Variants in NNT observed in about 807,000 individuals in gnomAD.
NNT encodes nicotinamide nucleotide transhydrogenase, also known as NAD(P) transhydrogenase, mitochondrial.
In NNT, 50 loss-of-function variants were observed where a neutral mutation model predicts 104.8. The observed-to-expected ratio is 0.48, with a 90% CI of 0.38 to 0.60. The LOEUF is 0.60. NNT is among the 20% of genes least tolerant of loss of function. The pLI is 0.00. For synonymous variants in NNT, 461 were observed against 490.4 expected (o/e 0.94, Z 0.79); for missense variants, 1,131 against 1,330.7 (o/e 0.85, Z 2.33).
intron 5 of NNT, among the ~76,000 whole-genome samples, chr5:43,621,585 G>T (rs909863412): frequency 6.6e-6 from 1 of 151,596 alleles, no homozygotes; most frequent in Non-Finnish European, 1.5e-5. Flanking sequence ...TTGGAGGCAG[G>T]GTCTCACTCT....
chr5:43,618,915 C>A, intron 4 of NNT, 117 bp from the exon 5 acceptor site: 1 of 513,100 alleles, frequency 1.9e-6, no homozygotes, highest in Non-Finnish European at 3.1e-6. Flanking sequence ...GTACATACTA[C>A]ATAAATATTA....
At chr5:43,656,195 A>C (rs1001299960) in intron 15 of NNT, 122 bp downstream of exon 15, 13 of 825,024 alleles carry the variant, frequency 1.6e-5, no homozygotes, top group Non-Finnish European at 2.1e-5. Context: ...GCAATCCAGC[A>C]CTTTGGGAGG....
chr5:43,658,988 G>A (rs140458435), intron 16 of NNT, among the ~76,000 whole-genome samples, 183 bp from the exon 17 acceptor site: 5 of 152,162 alleles, frequency 3.3e-5, no homozygotes, highest in African/African-American at 1.2e-4. Flanking sequence ...GGGTGGCTCA[G>A]TGTTTATAGT....
intron 19 of NNT, among the ~76,000 whole-genome samples, chr5:43,695,509 C>T (rs984397299): frequency 6.6e-6 from 1 of 152,208 alleles, no homozygotes; most frequent in Non-Finnish European, 1.5e-5. Context: ...GTCTAGCACA[C>T]TGTATTCACT....
intron 7 of NNT, among the ~76,000 whole-genome samples, chr5:43,637,832 A>G (rs1751014938): frequency 6.6e-6 from 1 of 152,138 alleles, no homozygotes; most frequent in African/African-American, 2.4e-5. Context: ...TAGGTAGGGC[A>G]ATGAGATGCA....
intron 7 of NNT, among the ~76,000 whole-genome samples, chr5:43,629,394 C>G (rs1579999935): frequency 6.6e-6 from 1 of 152,084 alleles, no homozygotes; most frequent in South Asian, 2.1e-4. Flanking sequence ...CGCATTTAGG[C>G]TGGTTTCATA....
At chr5:43,633,334 C>T (rs1750777674) in intron 7 of NNT, among the ~76,000 whole-genome samples, 2 of 152,166 alleles carry the variant, frequency 1.3e-5, no homozygotes, top group Admixed American at 6.5e-5. Flanking sequence ...AAACTAATAT[C>T]TTATTCTCTG....
chr5:43,607,430 C>T (rs952977958), intron 1 of NNT, among the ~76,000 whole-genome samples: 3 of 152,078 alleles, frequency 2.0e-5, no homozygotes, highest in Admixed American at 6.5e-5. Flanking sequence ...CAAGAGAAAA[C>T]CTCCCTTAAC....
chr5:43,662,915 A>G (rs1740448349), intron 17 of NNT, among the ~76,000 whole-genome samples: 1 of 151,752 alleles, frequency 6.6e-6, no homozygotes, highest in Non-Finnish European at 1.5e-5. Context: ...AAAAAATTCC[A>G]ATTAGTTAAA....
chr5:43,699,982 A>G (rs1198147067), intron 19 of NNT, 137 bp from the exon 20 acceptor site: 2 of 610,120 alleles, frequency 3.3e-6, no homozygotes, highest in Middle Eastern at 2.9e-4. Context: ...CTGCTGTTTC[A>G]TTCTGTAGAG....
chr5:43,660,211 A>G (rs1425228863), intron 17 of NNT, among the ~76,000 whole-genome samples: 1 of 152,158 alleles, frequency 6.6e-6, no homozygotes, highest in African/African-American at 2.4e-5. Context: ...GGCTCATTAT[A>G]CTTATAGCCA....
intron 17 of NNT, among the ~76,000 whole-genome samples, chr5:43,670,956 T>A (rs1284031241): frequency 3.3e-5 from 5 of 152,196 alleles, no homozygotes; most frequent in South Asian, 2.1e-4. Flanking sequence ...GCTTTATGAA[T>A]CCGGGTGCCC....
intron 1 of NNT, 24 bp from the exon 2 acceptor site, chr5:43,609,119 A>G (rs567660297): frequency 2.1e-4 from 240 of 1,156,396 alleles, no homozygotes; most frequent in Middle Eastern, 1.2e-3. Context: ...TGGCATATAT[A>G]CATCCTATTT....
chr5:43,666,372 C>T (rs1163404006), intron 17 of NNT, among the ~76,000 whole-genome samples: 2 of 152,218 alleles, frequency 1.3e-5, no homozygotes, highest in Non-Finnish European at 2.9e-5. Flanking sequence ...TGTCAGATCA[C>T]TTGCGGTCAG....
In NNT at chr5:43,628,397, T is replaced by G. The variant is rs1229232641; in HGVS notation, c.964+10T>G. 1 of 1,561,650 alleles carries G rather than the reference T, an allele frequency of 6.4e-7. No homozygotes were observed. Among genetic ancestry groups the G allele is most frequent in the East Asian group, 2.3e-5 (1 of 42,806 alleles). ...ACAGCACTTATTCCAGGTATGCCAT[T>G]AAGTAAACGGTTATTTTAAAAGCAC... On this transcript the variant is annotated intron_variant, in intron 7 of 21. Coordinates refer to ENST00000344920, the MANE Select transcript of NNT (RefSeq NM_182977.3).
At chr5:43,603,510 C>G (rs1749043674) in intron 1 of NNT, among the ~76,000 whole-genome samples, 1 of 152,106 alleles carries the variant, frequency 6.6e-6, no homozygotes, top group Non-Finnish European at 1.5e-5. Context: ...CACCGTGCCT[C>G]TTGGTGTCCC....
chr5:43,666,199 G>A (rs1740665081), intron 17 of NNT, among the ~76,000 whole-genome samples: 1 of 152,196 alleles, frequency 6.6e-6, no homozygotes, highest in South Asian at 2.1e-4. Context: ...GTGGTGGCAG[G>A]GCAGAGGCTG....
chr5:43,678,006 TAAAC>T (rs1189576594), intron 19 of NNT, among the ~76,000 whole-genome samples, 200 bp downstream of exon 19: 1 of 152,238 alleles, frequency 6.6e-6, no homozygotes, highest in African/African-American at 2.4e-5. Flanking sequence ...ACTGATAACA[TAAAC>T]AAAATATGTA....
intron 7 of NNT, among the ~76,000 whole-genome samples, chr5:43,631,112 G>A (rs1407090832): frequency 6.6e-6 from 1 of 152,082 alleles, no homozygotes; most frequent in Non-Finnish European, 1.5e-5. Flanking sequence ...AGGTGAGCTC[G>A]TCTCTCCAGA....
Sources: gnomAD v4.1 joint callset for allele counts (sites outside exome capture counted in the v4.1 genomes callset) on GRCh38, gnomAD v4.1.1 for gene constraint, MANE v1.5 for transcripts, NCBI Gene and HGNC (gene_info 2026-07-23, HGNC 2026-07-21) for gene names.